The following TNRC6B variants were observed in gnomAD, a reference collection of about 807,000 sequenced individuals.
TNRC6B encodes trinucleotide repeat containing adaptor 6B.
A neutral mutation model predicts 203.6 loss-of-function variants in TNRC6B; 52 were observed. That is an observed-to-expected ratio of 0.26 (90% CI 0.20 to 0.32). TNRC6B has a LOEUF of 0.32. TNRC6B is among the 10% of genes least tolerant of loss of function. The probability of loss-of-function intolerance (pLI) is 1.00; values close to 1 mark genes in which losing one functional copy is unlikely to be tolerated. For missense variants in TNRC6B, 1,923 were observed against 2,286.2 expected (o/e 0.84, Z 3.24); for synonymous variants, 838 against 845.7 (o/e 0.99, Z 0.16).
intron 1 of TNRC6B, among the ~76,000 whole-genome samples, chr22:40,060,582 T>TAG (rs1236379424): frequency 6.6e-6 from 1 of 152,186 alleles, no homozygotes; most frequent in Non-Finnish European, 1.5e-5. Context: ...AGACTATCCC[T>TAG]AGGTTCAGTG....
intron 1 of TNRC6B, among the ~76,000 whole-genome samples, chr22:40,048,048 G>A (rs779078545): frequency 4.6e-5 from 7 of 152,174 alleles, no homozygotes; most frequent in Non-Finnish European, 1.0e-4. Context: ...GCAACTCATG[G>A]GGTCTTGGAA....
chr22:40,075,156 A>ATATATATATATATTTTTTTTTT, intron 1 of TNRC6B, among the ~76,000 whole-genome samples: 1 of 35,568 alleles, frequency 2.8e-5, no homozygotes, highest in African/African-American at 1.0e-4. Context: ...ATATATATAT[A>ATATATATATATATTTTTTTTTT]TTTTTTTTTT....
At chr22:40,053,414 AT>A (rs1238585237) in intron 1 of TNRC6B, among the ~76,000 whole-genome samples, 5 of 152,150 alleles carry the variant, frequency 3.3e-5, no homozygotes, top group African/African-American at 4.8e-5. Context: ...TATTGCTGAC[AT>A]TTGCTTGAGT....
chr22:40,198,524 G>A (rs2146403238), intron 1 of TNRC6B, among the ~76,000 whole-genome samples: 1 of 152,156 alleles, frequency 6.6e-6, no homozygotes, highest in Non-Finnish European at 1.5e-5. Context: ...GAGCCCAGGA[G>A]AGGTGAGAAG....
At chr22:40,168,671 T>C (rs2068943373) in intron 4 of TNRC6B, among the ~76,000 whole-genome samples, 1 of 152,258 alleles carries the variant, frequency 6.6e-6, no homozygotes, top group Non-Finnish European at 1.5e-5. Context: ...TCTGACTTTG[T>C]TGGGAGTAAG....
At chr22:40,165,090 G>A (rs980920079) in intron 4 of TNRC6B, among the ~76,000 whole-genome samples, 40 of 147,760 alleles carry the variant, frequency 2.7e-4, no homozygotes, top group East Asian at 4.1e-4. Context: ...CCCTCCCCCC[G>A]GCTCTTTTTT....
At chr22:40,239,507 G>C (rs2069997900) in intron 1 of TNRC6B, among the ~76,000 whole-genome samples, 1 of 152,210 alleles carries the variant, frequency 6.6e-6, no homozygotes, top group Non-Finnish European at 1.5e-5. Flanking sequence ...TGGTGCTGTT[G>C]AAGCAAGTGG....
intron 1 of TNRC6B, among the ~76,000 whole-genome samples, chr22:40,071,334 C>T (rs1203278988): frequency 5.3e-5 from 8 of 152,130 alleles, no homozygotes; most frequent in Non-Finnish European, 1.2e-4. Flanking sequence ...GGAGGTACCT[C>T]GTGTTAATAA....
chr22:40,151,852 G>T (rs1486991270), intron 3 of TNRC6B, among the ~76,000 whole-genome samples: 1 of 124,434 alleles, frequency 8.0e-6, no homozygotes, highest in Non-Finnish European at 1.6e-5. Flanking sequence ...TGAAGAAAGA[G>T]AAAGAAAAGA....
chr22:40,260,892 G>A (rs573315660), intron 3 of TNRC6B, among the ~76,000 whole-genome samples: 7 of 152,290 alleles, frequency 4.6e-5, no homozygotes, highest in African/African-American at 1.7e-4. Context: ...TGGAGAGATT[G>A]TGGAGAATTT....
rs567009408 is a variant in TNRC6B, at chr22:40,169,656, T to A, written c.113+13474T>A. ...CGACTTTTCTTCCTGCTTCTCTTGATCCTTGGTAGTGTATTCTCCATACAG... is the reference window on the plus strand; with the variant it reads ...CGACTTTTCTTCCTGCTTCTCTTGAACCTTGGTAGTGTATTCTCCATACAG... On this transcript the variant is annotated intron_variant, in intron 4 of 23. Coordinates refer to the TNRC6B transcript ENST00000301923. 5.9e-5 allele frequency among the ~76,000 whole-genome samples: 9 copies of A among 152,310 alleles called. 1 individual carries two copies. In the South Asian group the frequency reaches 1.9e-3, roughly 32 times the overall value.
Position 40,308,504 on chromosome 22 carries a change from CT to C in TNRC6B, c.4121-3del, listed in dbSNP as rs564939757. ...GAGACTTATAAAATGTGGTCTTCTC[CT>C]TTTTAGGCTTCAGCTCTGGCGGCAT... On this transcript the variant is annotated splice_polypyrimidine_tract_variant and splice_region_variant and intron_variant, in intron 15 of 22. Transcript: ENST00000454349. The C allele has an allele frequency of 3.1e-4, 506 of 1,613,882 alleles. No homozygotes were observed. The highest frequency in any genetic ancestry group is 9.3e-4 in the Admixed American group (56 of 60,012).
At chr22:40,175,431 T>A (rs1301312071), upstream of TNRC6B, among the ~76,000 whole-genome samples, 1 of 152,230 alleles carries the variant, frequency 6.6e-6, no homozygotes, top group Admixed American at 6.5e-5. Context: ...ATGTTTGTTC[T>A]GTTTCCAAAC....
intron 4 of TNRC6B, among the ~76,000 whole-genome samples, chr22:40,168,792 C>T (rs1204979519): frequency 6.6e-6 from 1 of 152,174 alleles, no homozygotes; most frequent in Non-Finnish European, 1.5e-5. Flanking sequence ...CTTTGCCTTT[C>T]CCAGGTTCTC....
intron 1 of TNRC6B, among the ~76,000 whole-genome samples, chr22:40,095,988 G>T (rs1569258436): frequency 6.6e-6 from 1 of 152,092 alleles, no homozygotes; most frequent in Non-Finnish European, 1.5e-5. Flanking sequence ...CTTCTAAGCA[G>T]TGTAGCTCCT....
intron 1 of TNRC6B, among the ~76,000 whole-genome samples, chr22:40,225,709 C>T (rs1446928731): frequency 1.5e-5 from 2 of 132,876 alleles, no homozygotes; most frequent in Non-Finnish European, 3.1e-5. Context: ...TGCCACTCCA[C>T]TCCAGCCTGA....
Position 40,299,510 on chromosome 22 carries a change from A to T in TNRC6B, c.3709-945A>T, listed in dbSNP as rs144696124. Among the ~76,000 whole-genome samples the T allele has an allele frequency of 1.8e-3, 276 of 152,330 alleles. 1 individual carries two copies. The highest frequency in any genetic ancestry group is 6.3e-3 in the African/African-American group (262 of 41,580). On this transcript the variant is annotated intron_variant, in intron 12 of 22. Coordinates refer to ENST00000454349, the MANE Select transcript of TNRC6B (RefSeq NM_001162501.2). ...CACCTCAGCCTCCTGAAGTGCTGGG[A>T]TTACAGGCGTGAGCCACCACACCCA... is the stretch of plus-strand genomic sequence containing the variant.
intron 1 of TNRC6B, among the ~76,000 whole-genome samples, chr22:40,201,964 C>A (rs80198197): frequency 6.6e-6 from 1 of 152,094 alleles, no homozygotes; most frequent in Non-Finnish European, 1.5e-5. Context: ...ATAAGGAATA[C>A]TCAATTTGTA....
At chr22:40,304,712 T>C (rs1051688323) in intron 15 of TNRC6B, among the ~76,000 whole-genome samples, 1 of 152,232 alleles carries the variant, frequency 6.6e-6, no homozygotes, top group Non-Finnish European at 1.5e-5. Context: ...TAATTCATCT[T>C]CTTAGAAAAT....
Sources: allele counts gnomAD v4.1 joint callset (sites outside exome capture counted in the v4.1 genomes callset), GRCh38; gene constraint gnomAD v4.1.1; transcripts MANE v1.5; gene names NCBI Gene and HGNC (gene_info 2026-07-23, HGNC 2026-07-21).